Variants in PCDH7 observed in about 807,000 individuals in gnomAD.
The protein encoded by PCDH7 is protocadherin-7.
In PCDH7, 17 loss-of-function variants were observed where a neutral mutation model predicts 58.9. The ratio of observed to expected loss-of-function variants is 0.29; its 90% confidence interval spans 0.20 to 0.43. The LOEUF (loss-of-function observed/expected upper bound fraction) is 0.43, where lower values mean the gene tolerates loss of function less well. PCDH7 is among the 20% of genes least tolerant of loss of function. The pLI is 1.00. For synonymous variants in PCDH7, 664 were observed against 616.4 expected (o/e 1.08, Z -1.14); for missense variants, 1,274 against 1,441.0 (o/e 0.88, Z 1.88).
chr4:30,751,682 GGTACT>G (rs1718543031), intron 1 of PCDH7, among the ~76,000 whole-genome samples: 1 of 152,076 alleles, frequency 6.6e-6, no homozygotes. Flanking sequence ...CACAGAGCTA[GGTACT>G]GTGCTTTGTA....
At chr4:30,922,230 G>A (rs1743275286) in intron 2 of PCDH7, among the ~76,000 whole-genome samples, 1 of 151,658 alleles carries the variant, frequency 6.6e-6, no homozygotes, top group Non-Finnish European at 1.5e-5. Flanking sequence ...ATGATAAATA[G>A]AGCATACCTA....
intron 3 of PCDH7, among the ~76,000 whole-genome samples, chr4:31,009,294 G>GA (rs1753003410): frequency 6.6e-6 from 1 of 151,954 alleles, no homozygotes; most frequent in African/African-American, 2.4e-5. Flanking sequence ...TTTGGCATTG[G>GA]AAAAATCTCA....
intron 2 of PCDH7, among the ~76,000 whole-genome samples, chr4:30,928,409 G>T (rs1293544204): frequency 1.3e-5 from 2 of 152,118 alleles, no homozygotes; most frequent in Non-Finnish European, 2.9e-5. Flanking sequence ...GTTTCATGGG[G>T]CAATTATATA....
rs575408223 is a variant in PCDH7 at position 31,089,081 on chromosome 4, A to G, written c.*8-53392A>G. 1.1e-3 allele frequency among the ~76,000 whole-genome samples: 160 copies of G among 152,158 alleles called. 2 individuals carry two copies. The highest frequency in any genetic ancestry group is 1.7e-3 in the Non-Finnish European group (114 of 67,960). On this transcript the variant is annotated intron_variant, in intron 3 of 3. Transcript: ENST00000509759. Reference sequence around the variant, plus strand: ...ACTCAGTCAGAAAATAGCTAAGAGCACCACTTGTTTGCTTTAGATAAGTGA... The same window carrying G: ...ACTCAGTCAGAAAATAGCTAAGAGCGCCACTTGTTTGCTTTAGATAAGTGA...
chr4:31,128,622 G>C (rs1718603214), intron 3 of PCDH7, among the ~76,000 whole-genome samples: 1 of 152,090 alleles, frequency 6.6e-6, no homozygotes, highest in South Asian at 2.1e-4. Context: ...CTATAAAATA[G>C]CTATTATCCA....
chr4:31,130,114 C>A (rs577419449), intron 3 of PCDH7, among the ~76,000 whole-genome samples: 1 of 152,084 alleles, frequency 6.6e-6, no homozygotes, highest in Non-Finnish European at 1.5e-5. Flanking sequence ...TTAGATGTTA[C>A]GTCAAATTCT....
chr4:30,773,810 T>C (rs1167333784), intron 1 of PCDH7, among the ~76,000 whole-genome samples: 2 of 152,034 alleles, frequency 1.3e-5, no homozygotes, highest in Non-Finnish European at 2.9e-5. Context: ...TTCCCAAAGA[T>C]TTTTCTGTAT....
chr4:30,951,517 G>A (rs144912221), intron 3 of PCDH7, among the ~76,000 whole-genome samples: 1 of 152,236 alleles, frequency 6.6e-6, no homozygotes, highest in East Asian at 1.9e-4. Flanking sequence ...CCCAGAGGGT[G>A]CAATCTTTCA....
intron 1 of PCDH7, among the ~76,000 whole-genome samples, chr4:30,726,885 C>T (rs3775331): frequency 0.39 from 58,842 of 151,814 alleles, 14,090 homozygotes; most frequent in Non-Finnish European, 0.52. Flanking sequence ...TCCGTTTTGA[C>T]ATCTGACATA....
intron 1 of PCDH7, among the ~76,000 whole-genome samples, chr4:30,813,701 G>A (rs937581602): frequency 2.0e-4 from 30 of 152,142 alleles, no homozygotes; most frequent in Admixed American, 1.8e-3. Flanking sequence ...GAGTGCAGTG[G>A]CATGGTCTCT....
chr4:30,968,405 TATATATATATGG>T (rs71637655), intron 3 of PCDH7, among the ~76,000 whole-genome samples: 16,210 of 65,504 alleles, frequency 0.25, 2,258 homozygotes, highest in Admixed American at 0.3. Context: ...TATATATATA[TATATATATATGG>T]GATATTATGT....
At chr4:31,135,411 G>A (rs1266202548) in intron 3 of PCDH7, among the ~76,000 whole-genome samples, 1 of 152,138 alleles carries the variant, frequency 6.6e-6, no homozygotes, top group Admixed American at 6.6e-5. Context: ...ACTCCTAATA[G>A]AAAAGTAGTA....
At chr4:31,023,692 T>A (rs1057138199) in intron 3 of PCDH7, among the ~76,000 whole-genome samples, 1 of 152,170 alleles carries the variant, frequency 6.6e-6, no homozygotes, top group African/African-American at 2.4e-5. Flanking sequence ...TTTTTTGTAT[T>A]CCTCCTTCCT....
At chr4:31,095,076 G>A (rs780648568) in intron 3 of PCDH7, among the ~76,000 whole-genome samples, 1 of 151,694 alleles carries the variant, frequency 6.6e-6, no homozygotes, top group Non-Finnish European at 1.5e-5. Context: ...AAAAGCCAAA[G>A]ATACAACAGA....
intron 3 of PCDH7, among the ~76,000 whole-genome samples, chr4:31,033,603 A>C (rs1755139772): frequency 1.3e-5 from 2 of 152,074 alleles, no homozygotes. Flanking sequence ...AGCTTTTGGC[A>C]ATGCTTTTTA....
intron 1 of PCDH7, among the ~76,000 whole-genome samples, chr4:30,820,638 G>C (rs372725796): frequency 2.6e-5 from 4 of 152,076 alleles, no homozygotes; most frequent in African/African-American, 9.6e-5. Context: ...AAGAAGTTTT[G>C]AGAATATGTA....
chr4:30,722,955 C>T lies in PCDH7; in HGVS notation c.1533C>T (p.Gly511=), dbSNP rs1560296157. 1 of 1,613,506 alleles carries T rather than the reference C, an allele frequency of 6.2e-7. No homozygotes were observed. Among genetic ancestry groups the T allele is most frequent in the African/African-American group, 1.3e-5 (1 of 75,048 alleles). The change falls in exon 1 of 2, where the codon GGC becomes GGT. Residue 511 remains glycine (G), a synonymous_variant. Transcript: ENST00000361762. The surrounding 1 kb of genome is among the most constrained non-coding windows in gnomAD (Gnocchi z 7.6). Reference sequence around the variant, plus strand: ...TGGTCATCGTGGCGGTGGACTCAGGCAGCCCCAGCCTCTCGAGCAACAACT... The same window carrying T: ...TGGTCATCGTGGCGGTGGACTCAGGTAGCCCCAGCCTCTCGAGCAACAACT...
Position 30,809,786 on chromosome 4 carries a change from T to G in PCDH7, c.70+85190T>G, listed in dbSNP as rs188645743. On this transcript the variant is annotated intron_variant, in intron 1 of 3. Transcript: ENST00000509759. Reference sequence around the variant, plus strand: ...CGTTTCCTTTTTACTTTCGACGCCCTAGTAAACATCTCGGGGTTGGCAGAA... The same window carrying G: ...CGTTTCCTTTTTACTTTCGACGCCCGAGTAAACATCTCGGGGTTGGCAGAA... 8.1e-4 allele frequency among the ~76,000 whole-genome samples: 124 copies of G among 152,284 alleles called. 2 individuals are homozygous for G. The highest frequency in any genetic ancestry group is 7.2e-4 in the African/African-American group (30 of 41,558).
chr4:30,971,470 TA>T (rs1749576266), intron 3 of PCDH7, among the ~76,000 whole-genome samples: 1 of 152,164 alleles, frequency 6.6e-6, no homozygotes. Flanking sequence ...GCTTTATTGG[TA>T]ACTAGCATAA....
Sources: allele counts gnomAD v4.1 joint callset (sites outside exome capture counted in the v4.1 genomes callset), GRCh38; gene constraint gnomAD v4.1.1; non-coding constraint Gnocchi (gnomAD v3.1); transcripts MANE v1.5; gene names NCBI Gene and HGNC (gene_info 2026-07-23, HGNC 2026-07-21).